Variants in PDE1A observed in about 807,000 individuals in gnomAD.
PDE1A encodes the protein dual specificity calcium/calmodulin-dependent 3',5'-cyclic nucleotide phosphodiesterase 1A.
PDE1A carries 35 observed loss-of-function variants against 61.7 expected under a neutral mutation model. The ratio of observed to expected loss-of-function variants is 0.57; its 90% CI spans 0.43 to 0.75. The LOEUF (loss-of-function observed/expected upper bound fraction) is 0.75. PDE1A is among the 30% of genes least tolerant of loss of function. The pLI, the probability that PDE1A is intolerant of heterozygous loss-of-function variation, is 0.00. For synonymous variants in PDE1A, 232 were observed against 213.2 expected (o/e 1.09, Z -0.77); for missense variants, 597 against 630.6 (o/e 0.95, Z 0.57).
the PDE1A span, among the ~76,000 whole-genome samples, chr2:182,612,559 C>T: frequency 6.6e-6 from 1 of 152,134 alleles, no homozygotes; most frequent in Admixed American, 6.5e-5. Flanking sequence ...CAACAAAAAA[C>T]ACCTTGTATC....
At chr2:182,293,593 G>A (rs534831685) in intron 1 of PDE1A, among the ~76,000 whole-genome samples, 1 of 152,130 alleles carries the variant, frequency 6.6e-6, no homozygotes, top group East Asian at 1.9e-4. Context: ...CCTCATTCGT[G>A]GGGAATGTGT....
chr2:182,443,209 T>TAA (rs201489560), intron 2 of PDE1A, among the ~76,000 whole-genome samples: 12 of 146,492 alleles, frequency 8.2e-5, no homozygotes, highest in Non-Finnish European at 1.8e-4. Context: ...GAGAATCAAC[T>TAA]AAAAAAAAAA....
intron 1 of PDE1A, among the ~76,000 whole-genome samples, chr2:182,376,873 G>T (rs890598677): frequency 6.6e-6 from 1 of 152,200 alleles, no homozygotes; most frequent in Non-Finnish European, 1.5e-5. Flanking sequence ...AAGAGAGAAT[G>T]AGAAGGATAC....
the PDE1A span, among the ~76,000 whole-genome samples, chr2:182,543,572 C>T: frequency 5.3e-5 from 8 of 151,930 alleles, no homozygotes; most frequent in Admixed American, 4.6e-4. Flanking sequence ...TTGTTTTTTA[C>T]ATTTTGGGTT....
intron 1 of PDE1A, among the ~76,000 whole-genome samples, chr2:182,378,153 T>G (rs1700523155): frequency 6.6e-6 from 1 of 152,160 alleles, no homozygotes; most frequent in South Asian, 2.1e-4. Context: ...GCCCAGACAT[T>G]TTTTAAAAAG....
chr2:182,537,019 G>A, the PDE1A span, among the ~76,000 whole-genome samples: 187 of 152,264 alleles, frequency 1.2e-3, no homozygotes, highest in Non-Finnish European at 2.0e-3. Flanking sequence ...AGCCATAGCC[G>A]CTGCATGAAT....
At chr2:182,528,199 G>C in the PDE1A span, among the ~76,000 whole-genome samples, 1 of 152,192 alleles carries the variant, frequency 6.6e-6, no homozygotes, top group Non-Finnish European at 1.5e-5. Flanking sequence ...TTGTTAAATG[G>C]CTTTGACCAA....
At chr2:182,407,092 C>T (rs138521221) in intron 1 of PDE1A, among the ~76,000 whole-genome samples, 1 of 152,032 alleles carries the variant, frequency 6.6e-6, no homozygotes, top group Admixed American at 6.6e-5. Context: ...TCACATGAAG[C>T]AACAGATATA....
rs1308155024 is a variant in PDE1A, at chr2:182,253,285, G to A, written c.167+11016C>T. ...CCTAAATGAAAGTGGCTCAAATAAT[G>A]TAGAAATTGATTGATTTCCTTAAAA... On this transcript the variant is annotated intron_variant, in intron 2 of 13. Coordinates refer to ENST00000351439, the Ensembl canonical transcript of PDE1A. Among the ~76,000 whole-genome samples the A allele has an allele frequency of 3.9e-5, 6 of 152,192 alleles. 1 individual carries two copies. In the East Asian group the frequency reaches 9.6e-4, roughly 24 times the overall value.
the PDE1A span, among the ~76,000 whole-genome samples, chr2:182,552,194 T>C: frequency 1.3e-5 from 2 of 152,214 alleles, no homozygotes; most frequent in African/African-American, 4.8e-5. Flanking sequence ...GAGTATCACT[T>C]CAGTTTTTCA....
At chr2:182,510,872 CTGG>C (rs113396315) in intron 2 of PDE1A, among the ~76,000 whole-genome samples, 10,016 of 152,192 alleles carry the variant, frequency 0.066, 349 homozygotes, top group Middle Eastern at 0.1. Context: ...TATAATGATT[CTGG>C]TGAAGAGAAA....
chr2:182,479,740 A>G (rs990319580), intron 2 of PDE1A, among the ~76,000 whole-genome samples: 7 of 151,952 alleles, frequency 4.6e-5, no homozygotes, highest in African/African-American at 1.7e-4. Flanking sequence ...AGTATAAATC[A>G]TACATAATAG....
chr2:182,336,132 G>A (rs1448109257), intron 1 of PDE1A, among the ~76,000 whole-genome samples: 1 of 152,160 alleles, frequency 6.6e-6, no homozygotes, highest in African/African-American at 2.4e-5. Flanking sequence ...ATGGTGAAGA[G>A]GATGTGAAGA....
At chr2:182,617,412 C>A in the PDE1A span, among the ~76,000 whole-genome samples, 1,080 of 152,304 alleles carry the variant, frequency 7.1e-3, 12 homozygotes, top group African/African-American at 0.025. Context: ...TTTCTCCTGG[C>A]CCCTGCTCTA....
At chr2:182,166,842 A>T (rs1691677044), downstream of PDE1A, among the ~76,000 whole-genome samples, 1 of 152,210 alleles carries the variant, frequency 6.6e-6, no homozygotes, top group Non-Finnish European at 1.5e-5. Context: ...GACATCAGCC[A>T]TTCTTAGCTA....
intron 1 of PDE1A, among the ~76,000 whole-genome samples, chr2:182,413,133 A>G (rs1358306732): frequency 6.6e-6 from 1 of 152,192 alleles, no homozygotes; most frequent in Middle Eastern, 3.2e-3. Context: ...CCGTAGCATA[A>G]GAGTTGTGAA....
the PDE1A span, among the ~76,000 whole-genome samples, chr2:182,591,801 C>CT: frequency 6.6e-6 from 1 of 152,212 alleles, no homozygotes; most frequent in Non-Finnish European, 1.5e-5. Context: ...AATTTAGTCT[C>CT]TTTTTAAATT....
chr2:182,698,498 A>T, the PDE1A span, among the ~76,000 whole-genome samples: 476 of 152,326 alleles, frequency 3.1e-3, 5 homozygotes, highest in Non-Finnish European at 4.6e-3. Flanking sequence ...CTCCATCAGT[A>T]AAATATTATA....
chr2:182,343,638 G>A (rs184196363), intron 1 of PDE1A, among the ~76,000 whole-genome samples: 2 of 152,024 alleles, frequency 1.3e-5, no homozygotes, highest in African/African-American at 2.4e-5. Context: ...CTATTATTGT[G>A]TTTTTGCAAT....
Sources: allele counts gnomAD v4.1 joint callset (sites outside exome capture counted in the v4.1 genomes callset), GRCh38; gene constraint gnomAD v4.1.1; transcripts MANE v1.5; gene names NCBI Gene and HGNC (gene_info 2026-07-23, HGNC 2026-07-21).